The following SLC22A6 variants were observed in gnomAD, a reference collection of about 807,000 sequenced individuals.
SLC22A6 encodes PAH transporter.
SLC22A6 carries 45 observed loss-of-function variants against 56.7 expected under a neutral mutation model. The observed-to-expected ratio is 0.79, with a 90% CI of 0.63 to 1.02. The LOEUF is 1.02. Among genes scored for constraint, SLC22A6 ranks in the 50% least tolerant of loss-of-function variants. The pLI is 0.00. For synonymous variants in SLC22A6, 291 were observed against 295.9 expected (o/e 0.98, Z 0.17); for missense variants, 606 against 713.8 (o/e 0.85, Z 1.72).
At chr11:62,982,058 G>C in intron 3 of SLC22A6, 48 bp from the exon 4 acceptor site, 1 of 1,562,024 alleles carries the variant, frequency 6.4e-7, no homozygotes. Flanking sequence ...GGGCTGCTGG[G>C]CTAGTAAAGG....
In SLC22A6 at chr11:62,981,845, G is replaced by A. The variant is rs267603082; in HGVS notation, c.794C>T (p.Ser265Phe). 3 of 1,609,678 alleles carry A rather than the reference G, an allele frequency of 1.9e-6. No homozygotes were observed. The highest frequency in any genetic ancestry group is 1.3e-5 in the African/African-American group (1 of 74,892). The change falls in exon 4 of 10, where the codon TCC (serine) becomes TTC (phenylalanine). Residue 265 changes from serine (S) to phenylalanine (F), a missense_variant. By Grantham distance (155) the Ser-to-Phe change is radical (BLOSUM62 -2). Transcript: ENST00000360421. ...SAPFFAFFIY[S>F]WFFIESARWH... is the part of the protein sequence containing the mutation. ...TCCAACCCTAGGCCCCACGCACCAG[G>A]AGTAGATGAAGAAGGCAAAAAAAGG...
intron 6 of SLC22A6, 125 bp downstream of exon 6, chr11:62,980,860 G>A (rs1397865328): frequency 1.1e-5 from 8 of 724,902 alleles, no homozygotes; most frequent in South Asian, 1.9e-5. Flanking sequence ...CCTAGTGTGG[G>A]GTTACTGCTT....
chr11:62,983,681 G>T lies in SLC22A6; in HGVS notation c.484C>A (p.Arg162=). 6.2e-7 allele frequency: 1 copy of T among 1,610,696 alleles called. No homozygotes were observed. The highest frequency in any genetic ancestry group is 8.5e-7 in the Non-Finnish European group (1 of 1,178,598). Reference sequence around the variant, plus strand: ...AGGTAGTTCAAGATGAGTACCTTCCGGCGGCCTAGCCTGTGGGAGGAGGGG... The same window carrying T: ...AGGTAGTTCAAGATGAGTACCTTCCTGCGGCCTAGCCTGTGGGAGGAGGGG... ...FGYLADRLGR[R]KVLILNYLQT... is the part of the protein sequence containing the mutation. Residue 162 remains arginine, a synonymous_variant, in exon 3 of 10, where the codon CGG becomes AGG. Coordinates refer to ENST00000360421, the MANE Select transcript of SLC22A6 (RefSeq NM_153276.3). The surrounding 1 kb of genome is among the most constrained non-coding windows in gnomAD (Gnocchi z 4.5).
chr11:62,976,671 CTTTCCTGAACCA>C lies in SLC22A6; in HGVS notation c.*111_*122del, dbSNP rs1233844544. ...AGGGAGGTGGACCCCTGGGAAGATG[CTTTCCTGAACCA>C]CAACCCCCACACTTGGGTCACCATT... On this transcript the variant is annotated 3_prime_UTR_variant, in exon 10 of 10. Coordinates refer to ENST00000360421, the MANE Select transcript of SLC22A6 (RefSeq NM_153276.3). 2.6e-6 allele frequency: 2 copies of C among 756,190 alleles called. No individual in the cohort carries two copies. The highest frequency in any genetic ancestry group is 4.3e-6 in the Non-Finnish European group (2 of 466,026). 46.8% of individuals were successfully genotyped at this position (756,190 alleles called of 1,614,324 possible). A position where few individuals can be genotyped will look rare whatever the true frequency, so the allele number is the denominator to read the frequency against.
chr11:62,980,516 G>A (rs1160506809), intron 6 of SLC22A6, among the ~76,000 whole-genome samples: 1 of 152,264 alleles, frequency 6.6e-6, no homozygotes, highest in African/African-American at 2.4e-5. Flanking sequence ...ATGGTGATGG[G>A]AAGGAAGGAT....
In SLC22A6 at chr11:62,983,633, A is replaced by G; in HGVS notation, c.532T>C (p.Cys178Arg). 1.2e-6 allele frequency: 2 copies of G among 1,611,650 alleles called. No homozygotes were observed. The highest frequency in any genetic ancestry group is 1.7e-6 in the Non-Finnish European group (2 of 1,179,118). The change falls in exon 3 of 10, where the codon TGC becomes CGC. Residue 178 changes from cysteine to arginine, a missense_variant. By Grantham distance (180) the Cys-to-Arg change is radical. Coordinates refer to ENST00000360421, the MANE Select transcript of SLC22A6 (RefSeq NM_153276.3). The surrounding 1 kb of genome is among the most constrained non-coding windows in gnomAD (Gnocchi z 4.5). ...GGGAAGTTGGGTGCGAAGGCTGCGC[A>G]GGTCCCTGACACAGCTGTCTGCAGG... ...NYLQTAVSGT[C>R]AAFAPNFPIY...
Position 62,983,444 on chromosome 11 carries a change from C to A in SLC22A6, c.628+93G>T. ...GACCCGAGAGAGGCTGGAGGGCAGGCAGGGCTCAGGAGGGGCAGGCTGGGA... is the reference window on the plus strand; with the variant it reads ...GACCCGAGAGAGGCTGGAGGGCAGGAAGGGCTCAGGAGGGGCAGGCTGGGA... On this transcript the variant is annotated intron_variant, in intron 3 of 9. Transcript: ENST00000360421. The surrounding 1 kb of genome is among the most constrained non-coding windows in gnomAD (Gnocchi z 4.5). The A allele has an allele frequency of 1.5e-6, 2 of 1,324,524 alleles. No individual in the cohort carries two copies. The highest frequency in any genetic ancestry group is 2.6e-5 in the South Asian group (2 of 77,638). 82.0% of individuals were successfully genotyped at this position (1,324,524 alleles called of 1,614,324 possible). A position where few individuals can be genotyped will look rare whatever the true frequency, so the allele number is the denominator to read the frequency against.
intron 5 of SLC22A6, 21 bp downstream of exon 5, chr11:62,981,239 G>C: frequency 6.2e-7 from 1 of 1,609,420 alleles, no homozygotes; most frequent in Non-Finnish European, 8.5e-7. Flanking sequence ...GGTTATCATG[G>C]GAAGTCTCAG....
intron 6 of SLC22A6, among the ~76,000 whole-genome samples, chr11:62,980,720 C>A (rs541784259): frequency 6.6e-6 from 1 of 152,298 alleles, no homozygotes; most frequent in South Asian, 2.1e-4. Context: ...GACTCTGGAG[C>A]CCACTGGTCC....
Position 62,979,831 on chromosome 11 carries a change from G to A in SLC22A6, c.1155C>T (p.Gly385=), listed in dbSNP as rs1382395869. 6.2e-7 allele frequency: 1 copy of A among 1,614,208 alleles called. No individual in the cohort carries two copies. The highest frequency in any genetic ancestry group is 2.2e-5 in the East Asian group (1 of 44,894). Residue 385 remains glycine, a synonymous_variant, in exon 7 of 10, where the codon GGC becomes GGT. Coordinates refer to ENST00000360421, the MANE Select transcript of SLC22A6 (RefSeq NM_153276.3). Reference sequence around the variant, plus strand: ...GACCCAGGGAGTTGATGACAAGGAAGCCCACAAGCTTGGCAGGCAGGTCCA... The same window carrying A: ...GACCCAGGGAGTTGATGACAAGGAAACCCACAAGCTTGGCAGGCAGGTCCA... The part of the protein sequence containing the change: ...GAVDLPAKLV[G]FLVINSLGRR...
rs747002284 is a variant in SLC22A6, at chr11:62,984,547, G to C, written c.144C>G (p.His48Gln). The C allele has an allele frequency of 6.8e-6, 11 of 1,613,622 alleles. No homozygotes were observed. In the South Asian group the frequency reaches 1.2e-4, roughly 18 times the overall value. ...QNFTAAIPTH[H>Q]CRPPADANLS... ...GGTTGGCATCGGCAGGCGGGCGGCA[G>C]TGGTGGGTAGGGATGGCAGCAGTGA... Residue 48 changes from histidine (H) to glutamine (Q), a missense_variant, in exon 1 of 10, where the codon CAC (histidine) becomes CAG (glutamine). His to Gln is a conservative substitution (Grantham distance 24, BLOSUM62 0). Coordinates refer to ENST00000360421, the MANE Select transcript of SLC22A6 (RefSeq NM_153276.3).
chr11:62,981,778 T>C, intron 4 of SLC22A6, 64 bp downstream of exon 4: 4 of 1,467,508 alleles, frequency 2.7e-6, no homozygotes, highest in Middle Eastern at 4.2e-4. Flanking sequence ...CTCTGGGAGA[T>C]GTCCTGTCCC....
Position 62,984,790 on chromosome 11 carries a change from G to T in SLC22A6, c.-100C>A. 1 of 1,348,020 alleles carries T rather than the reference G, an allele frequency of 7.4e-7. No individual in the cohort carries two copies. The highest frequency in any genetic ancestry group is 9.9e-7 in the Non-Finnish European group (1 of 1,005,664). The allele number at this position is 1,348,020 out of a possible 1,614,324, so 83.5% of individuals were successfully genotyped here. A position where few individuals can be genotyped will look rare whatever the true frequency, so the allele number is the denominator to read the frequency against. On this transcript the variant is annotated 5_prime_UTR_variant, in exon 1 of 10. Coordinates refer to ENST00000360421, the MANE Select transcript of SLC22A6 (RefSeq NM_153276.3). ...TGTCCTTCGCTGGAGGAGCAGCACT[G>T]CCGTTGCCTCCGCAGCTGGGTTGCT...
chr11:62,979,808 C>A lies in SLC22A6; in HGVS notation c.1178G>T (p.Gly393Val), dbSNP rs1450440074. ...TGCAGCCATCTGGGCAGGCCGGCGA[C>A]CCAGGGAGTTGATGACAAGGAAGCC... ...LVGFLVINSL[G>V]RRPAQMAALL... Residue 393 changes from glycine to valine, a missense_variant, in exon 7 of 10, where the codon GGT becomes GTT. Coordinates refer to ENST00000360421, the MANE Select transcript of SLC22A6 (RefSeq NM_153276.3). 6.2e-7 allele frequency: 1 copy of A among 1,614,176 alleles called. No individual in the cohort carries two copies. Among genetic ancestry groups the A allele is most frequent in the Admixed American group, 1.7e-5 (1 of 60,022 alleles).
chr11:62,979,731 C>T lies in SLC22A6; in HGVS notation c.1252+3G>A, dbSNP rs1476056958. On this transcript the variant is annotated splice_donor_region_variant and intron_variant, in intron 7 of 9. Transcript: ENST00000360421. ...AGGGGCCAAGGTGCTCGTGGGTGCT[C>T]ACCCTGGGGTATCACCCCATTGAGC... 2 of 1,613,566 alleles carry T rather than the reference C, an allele frequency of 1.2e-6. No individual in the cohort carries two copies. The highest frequency in any genetic ancestry group is 1.3e-5 in the African/African-American group (1 of 74,914).
At position 62,981,090 on chromosome 11, in the gene SLC22A6, G is replaced by T. The variant is rs2135095578; in HGVS notation, c.932C>A (p.Ala311Asp). The T allele has an allele frequency of 6.2e-7, 1 of 1,611,880 alleles. No individual in the cohort carries two copies. Among genetic ancestry groups the T allele is most frequent in the Non-Finnish European group, 8.5e-7 (1 of 1,178,482 alleles). Residue 311 changes from alanine (A) to aspartate (D), a missense_variant, in exon 6 of 10, where the codon GCC becomes GAC. Physicochemically the swap from Ala to Asp is moderately radical, Grantham distance 126. Coordinates refer to ENST00000360421, the MANE Select transcript of SLC22A6 (RefSeq NM_153276.3). ...CATGGTCAGCTCCTTCTGCAGACTGGCCCGGAGTACCTGCTGGGACCGGCA... is the reference window on the plus strand; with the variant it reads ...CATGGTCAGCTCCTTCTGCAGACTGTCCCGGAGTACCTGCTGGGACCGGCA... ...GAKLSMEVLR[A>D]SLQKELTMGK...
chr11:62,979,388 G>T (rs531706691), intron 8 of SLC22A6, 100 bp downstream of exon 8: 9 of 830,254 alleles, frequency 1.1e-5, no homozygotes, highest in Non-Finnish European at 1.8e-5. Flanking sequence ...GGGCCTTTGG[G>T]CTGGGATGTA....
At chr11:62,981,760 G>A (rs918668391) in intron 4 of SLC22A6, 82 bp downstream of exon 4, 2 of 1,371,394 alleles carry the variant, frequency 1.5e-6, no homozygotes, top group Middle Eastern at 2.3e-4. Flanking sequence ...GATGGGATGT[G>A]TGCTGAGCTC....
chr11:62,977,024 G>A, intron 9 of SLC22A6, 143 bp from the exon 10 acceptor site: 1 of 1,506,522 alleles, frequency 6.6e-7, no homozygotes, highest in Non-Finnish European at 9.1e-7. Flanking sequence ...CTGGAGCTGG[G>A]ATCCCCAGGA....
Sources: gnomAD v4.1 joint callset for allele counts (sites outside exome capture counted in the v4.1 genomes callset) on GRCh38, gnomAD v4.1.1 for gene constraint, Gnocchi (gnomAD v3.1) non-coding constraint, MANE v1.5 for transcripts, NCBI Gene and HGNC (gene_info 2026-07-23, HGNC 2026-07-21) for gene names.